The following ANKS1B variants were observed in gnomAD, a reference collection of about 807,000 sequenced individuals.
ANKS1B encodes the protein ankyrin repeat and sterile alpha motif domain containing 1B, also known as ankyrin repeat and sterile alpha motif domain-containing protein 1B.
In ANKS1B, 36 loss-of-function variants were observed where a neutral mutation model predicts 148.3. The ratio of observed to expected loss-of-function variants is 0.24; its 90% CI spans 0.19 to 0.32. The LOEUF is 0.32. Ranked by LOEUF, ANKS1B falls within the 10% of genes least tolerant of loss-of-function variation. The pLI, the probability that ANKS1B is intolerant of heterozygous loss-of-function variation, is 1.00. For synonymous variants in ANKS1B, 542 were observed against 560.8 expected, an observed-to-expected ratio of 0.97 and a Z score of 0.47; for missense variants, 1,157 against 1,542.6, an observed-to-expected ratio of 0.75 and a Z score of 4.19.
chr12:98,755,879 C>A (rs1358707807), intron 25 of ANKS1B, among the ~76,000 whole-genome samples: 1 of 152,158 alleles, frequency 6.6e-6, no homozygotes, highest in Non-Finnish European at 1.5e-5. Flanking sequence ...CCATGGTGTT[C>A]CCCTGTTGAG....
intron 9 of ANKS1B, among the ~76,000 whole-genome samples, chr12:99,641,390 C>T (rs1227813103): frequency 6.6e-6 from 1 of 152,136 alleles, no homozygotes; most frequent in African/African-American, 2.4e-5. Context: ...TATAAAGTTT[C>T]TCAGAGCAGA....
At chr12:99,288,633 T>C (rs1263983202) in intron 12 of ANKS1B, among the ~76,000 whole-genome samples, 1 of 152,098 alleles carries the variant, frequency 6.6e-6, no homozygotes, top group Non-Finnish European at 1.5e-5. Flanking sequence ...ATAGAGTTAT[T>C]AGTTTTCTCT....
In ANKS1B at chr12:99,957,121, C is replaced by T. The variant is rs116077010; in HGVS notation, c.134+26983G>A. ...TGCAATTGAGGAAAATAATATTTACCTTAGAGGTTTGTTGTGAGCATTGAT... is the reference window on the plus strand; with the variant it reads ...TGCAATTGAGGAAAATAATATTTACTTTAGAGGTTTGTTGTGAGCATTGAT... On this transcript the variant is annotated intron_variant, in intron 1 of 26. Coordinates refer to ENST00000683438, the MANE Select transcript of ANKS1B (RefSeq NM_001352186.2). Among the ~76,000 whole-genome samples, 764 of 152,200 alleles carry T rather than the reference C, an allele frequency of 5.0e-3. 6 individuals carry two copies. Among genetic ancestry groups the T allele is most frequent in the African/African-American group, 0.017 (717 of 41,530 alleles).
At chr12:99,243,700 A>T (rs959184180) in intron 14 of ANKS1B, among the ~76,000 whole-genome samples, 18 of 152,246 alleles carry the variant, frequency 1.2e-4, no homozygotes, top group Non-Finnish European at 2.5e-4. Context: ...TGCAGCCATT[A>T]AAAGGATGAG....
In ANKS1B at chr12:99,783,014, C is replaced by T. The variant is rs1481550204; in HGVS notation, c.670-917G>A. On this transcript the variant is annotated intron_variant, in intron 4 of 26. Transcript: ENST00000683438. ...GACCAGTCTGACCAACATGGTGAAA[C>T]CCCATCTCTACTAAAAATACAAAAA... Among the ~76,000 whole-genome samples, 3 of 152,044 alleles carry T rather than the reference C, an allele frequency of 2.0e-5. No individual in the cohort carries two copies. In the East Asian group the frequency reaches 5.8e-4, roughly 29 times the overall value.
chr12:98,923,177 T>A (rs537097247), intron 17 of ANKS1B, among the ~76,000 whole-genome samples: 2 of 152,232 alleles, frequency 1.3e-5, no homozygotes, highest in South Asian at 4.2e-4. Flanking sequence ...GAGAATGGGT[T>A]GTTAAAAGGA....
At chr12:99,336,674 T>C (rs2152309092) in intron 12 of ANKS1B, among the ~76,000 whole-genome samples, 1 of 152,278 alleles carries the variant, frequency 6.6e-6, no homozygotes, top group African/African-American at 2.4e-5. Flanking sequence ...ATAAGTTCAC[T>C]TTAGATGTAC....
chr12:98,808,040 T>C (rs2099064480), intron 19 of ANKS1B, 122 bp from the exon 20 acceptor site: 1 of 755,946 alleles, frequency 1.3e-6, no homozygotes, highest in African/African-American at 1.8e-5. Context: ...TAAAAAAAAC[T>C]CAAAAAATGT....
intron 9 of ANKS1B, among the ~76,000 whole-genome samples, chr12:99,551,915 G>A (rs958987783): frequency 2.0e-5 from 3 of 152,072 alleles, no homozygotes; most frequent in South Asian, 4.1e-4. Context: ...ACTCCTGCTT[G>A]CCTCTCCAGA....
chr12:99,954,991 T>C (rs2095293802), intron 1 of ANKS1B, among the ~76,000 whole-genome samples: 1 of 152,218 alleles, frequency 6.6e-6, no homozygotes, highest in Non-Finnish European at 1.5e-5. Flanking sequence ...TTTGTCTGCC[T>C]TGACCATTGA....
chr12:98,745,734 G>A lies in ANKS1B; in HGVS notation c.*5C>T. 6.2e-7 allele frequency: 1 copy of A among 1,613,404 alleles called. No homozygotes were observed. The highest frequency in any genetic ancestry group is 8.5e-7 in the Non-Finnish European group (1 of 1,179,580). ...GGCACCGCGAGGACAGGAGGACGGCGAGTATCAGAAAATCGTGGTTTCATA... is the reference window on the plus strand; with the variant it reads ...GGCACCGCGAGGACAGGAGGACGGCAAGTATCAGAAAATCGTGGTTTCATA... On this transcript the variant is annotated 3_prime_UTR_variant, in exon 27 of 27. Coordinates refer to ENST00000683438, the MANE Select transcript of ANKS1B (RefSeq NM_001352186.2).
At chr12:99,955,441 C>T (rs1183900032) in intron 1 of ANKS1B, among the ~76,000 whole-genome samples, 2 of 126,230 alleles carry the variant, frequency 1.6e-5, no homozygotes, top group Non-Finnish European at 3.2e-5. Flanking sequence ...TGCAGTGAGT[C>T]GAGATCGCGC....
At chr12:99,983,861 C>G (rs1310263850) in intron 1 of ANKS1B, among the ~76,000 whole-genome samples, 1 of 152,176 alleles carries the variant, frequency 6.6e-6, no homozygotes, top group Non-Finnish European at 1.5e-5. Flanking sequence ...CACCAGGGCT[C>G]AGAGGAAAAG....
At chr12:99,190,998 GA>G (rs201362586) in intron 14 of ANKS1B, among the ~76,000 whole-genome samples, 10,428 of 138,590 alleles carry the variant, frequency 0.075, 755 homozygotes, top group African/African-American at 0.2. Flanking sequence ...AAATTTTCAA[GA>G]AAAAAAAAAA....
intron 14 of ANKS1B, among the ~76,000 whole-genome samples, chr12:99,219,838 T>C (rs952668619): frequency 3.3e-5 from 5 of 152,198 alleles, no homozygotes; most frequent in Admixed American, 6.5e-5. Context: ...TATGAATCTA[T>C]AGAACCAGTC....
chr12:99,953,337 G>A lies in ANKS1B; in HGVS notation c.134+30767C>T, dbSNP rs149699123. On this transcript the variant is annotated intron_variant, in intron 1 of 26. Transcript: ENST00000683438. ...TATCAAATGCTGCTGAGAAACACAG[G>A]AAGATGAGGATGTTGAGGACATACC... Among the ~76,000 whole-genome samples the A allele has an allele frequency of 1.2e-3, 183 of 152,310 alleles. 1 individual carries two copies. The highest frequency in any genetic ancestry group is 3.8e-3 in the African/African-American group (159 of 41,576).
intron 19 of ANKS1B, among the ~76,000 whole-genome samples, chr12:98,819,592 T>C (rs767707926): frequency 6.6e-5 from 10 of 152,172 alleles, no homozygotes; most frequent in Non-Finnish European, 1.5e-4. Context: ...GGGGCTGCCT[T>C]ACAAAGAGCG....
chr12:99,152,523 A>G (rs1434768827), intron 15 of ANKS1B, among the ~76,000 whole-genome samples: 1 of 152,146 alleles, frequency 6.6e-6, no homozygotes, highest in Non-Finnish European at 1.5e-5. Flanking sequence ...AATAATTTTT[A>G]CGATCTCTCT....
At chr12:99,539,866 C>A (rs1171250058) in intron 9 of ANKS1B, among the ~76,000 whole-genome samples, 1 of 151,940 alleles carries the variant, frequency 6.6e-6, no homozygotes. Context: ...AGCCACTGAG[C>A]CAAGCCAGAT....
Sources: gnomAD v4.1 joint callset for allele counts (sites outside exome capture counted in the v4.1 genomes callset) on GRCh38, gnomAD v4.1.1 for gene constraint, MANE v1.5 for transcripts, NCBI Gene and HGNC (gene_info 2026-07-23, HGNC 2026-07-21) for gene names.